The following ULK4 variants were observed in gnomAD, a reference collection of about 807,000 sequenced individuals.
The protein encoded by ULK4 is unc-51 like kinase 4.
In ULK4, 133 loss-of-function variants were observed where a neutral mutation model predicts 160.6. That is an observed-to-expected ratio of 0.83 (90% CI 0.72 to 0.96). The LOEUF (loss-of-function observed/expected upper bound fraction) is 0.96, where lower values mean the gene tolerates loss of function less well. Among genes scored for constraint, ULK4 ranks in the 40% least tolerant of loss-of-function variants. ULK4 has a pLI of 0.00. For synonymous variants in ULK4, 534 were observed against 539.8 expected (o/e 0.99, Z 0.15); for missense variants, 1,580 against 1,499.5 (o/e 1.05, Z -0.89).
At chr3:41,856,529 A>G (rs2888132) in intron 17 of ULK4, among the ~76,000 whole-genome samples, 7,374 of 116,014 alleles carry the variant, frequency 0.064, 536 homozygotes, top group African/African-American at 0.19. Context: ...ATATATATAT[A>G]TATGTATGTA....
At chr3:41,307,145 A>C (rs182002135) in intron 35 of ULK4, among the ~76,000 whole-genome samples, 3 of 128,850 alleles carry the variant, frequency 2.3e-5, no homozygotes, top group Admixed American at 1.5e-4. Context: ...ATTATCAATA[A>C]AAAATAAATA....
chr3:41,489,499 C>A (rs1201245390), intron 32 of ULK4, among the ~76,000 whole-genome samples: 1 of 152,162 alleles, frequency 6.6e-6, no homozygotes, highest in Non-Finnish European at 1.5e-5. Flanking sequence ...TGTAAGGAAG[C>A]CAAATCCTAC....
At chr3:41,622,565 C>A (rs998843409) in intron 30 of ULK4, among the ~76,000 whole-genome samples, 10 of 151,942 alleles carry the variant, frequency 6.6e-5, no homozygotes, top group Non-Finnish European at 1.5e-5. Context: ...CACATGGACA[C>A]AAGGAGGGGA....
At chr3:41,490,808 G>A (rs1216652146) in intron 32 of ULK4, among the ~76,000 whole-genome samples, 1 of 152,154 alleles carries the variant, frequency 6.6e-6, no homozygotes, top group Non-Finnish European at 1.5e-5. Flanking sequence ...ACTGGGATAA[G>A]AGAGACTATA....
At chr3:41,865,491 A>T (rs1295779600) in intron 17 of ULK4, among the ~76,000 whole-genome samples, 1 of 151,998 alleles carries the variant, frequency 6.6e-6, no homozygotes, top group Non-Finnish European at 1.5e-5. Flanking sequence ...TTTCTCCTTC[A>T]CAGAACACAC....
chr3:41,541,057 G>C (rs533832088), intron 32 of ULK4, among the ~76,000 whole-genome samples: 2 of 152,032 alleles, frequency 1.3e-5, no homozygotes, highest in African/African-American at 4.8e-5. Context: ...GTCAATTTTC[G>C]CTTTTGTTGC....
chr3:41,332,606 T>C (rs1490210078), intron 35 of ULK4, among the ~76,000 whole-genome samples: 2 of 152,242 alleles, frequency 1.3e-5, no homozygotes, highest in Non-Finnish European at 2.9e-5. Flanking sequence ...TTGAAATCTT[T>C]AGACAACTTT....
intron 6 of ULK4, among the ~76,000 whole-genome samples, chr3:41,918,746 C>A (rs572773343): frequency 6.6e-6 from 1 of 151,888 alleles, no homozygotes; most frequent in African/African-American, 2.4e-5. Flanking sequence ...GGACCACAGG[C>A]GCACGCTGCC....
At chr3:41,795,134 T>A (rs1157325984) in intron 20 of ULK4, among the ~76,000 whole-genome samples, 1 of 152,198 alleles carries the variant, frequency 6.6e-6, no homozygotes, top group African/African-American at 2.4e-5. Flanking sequence ...CTGTAAGCCA[T>A]CCCAGAGAGG....
At chr3:41,758,162 G>T (rs1414634641) in intron 21 of ULK4, among the ~76,000 whole-genome samples, 1 of 152,022 alleles carries the variant, frequency 6.6e-6, no homozygotes, top group Non-Finnish European at 1.5e-5. Flanking sequence ...TGACAAATGG[G>T]CCCACAATAG....
intron 18 of ULK4, among the ~76,000 whole-genome samples, chr3:41,834,513 T>C (rs996199458): frequency 5.9e-5 from 9 of 152,194 alleles, no homozygotes; most frequent in Non-Finnish European, 1.2e-4. Context: ...TTTATTCTGA[T>C]ATGCGAAGGG....
chr3:41,706,382 ATATTTATATATATTAAATATATATAAT>A (rs2036884215), intron 25 of ULK4, among the ~76,000 whole-genome samples: 1 of 146,030 alleles, frequency 6.8e-6, no homozygotes, highest in African/African-American at 2.5e-5. Context: ...TTTAATATAT[ATATTTATATATATTAAATATATATAAT>A]TAAATATATA....
intron 17 of ULK4, among the ~76,000 whole-genome samples, chr3:41,853,773 C>T (rs1575830441): frequency 6.6e-6 from 1 of 152,080 alleles, no homozygotes; most frequent in Non-Finnish European, 1.5e-5. Context: ...TGGTTCTGGC[C>T]GGTTTACAGA....
At chr3:41,820,892 C>T (rs2041125188) in intron 18 of ULK4, among the ~76,000 whole-genome samples, 1 of 152,240 alleles carries the variant, frequency 6.6e-6, no homozygotes, top group South Asian at 2.1e-4. Context: ...TATAGAATTC[C>T]ACATATGGTT....
At chr3:41,811,994 T>C (rs7646526) in intron 19 of ULK4, among the ~76,000 whole-genome samples, 2,051 of 152,206 alleles carry the variant, frequency 0.013, 41 homozygotes, top group African/African-American at 0.046. Flanking sequence ...ATTTTAACAA[T>C]GGGGAGGCCA....
chr3:41,319,230 G>A (rs2080203803), intron 35 of ULK4, among the ~76,000 whole-genome samples: 1 of 152,096 alleles, frequency 6.6e-6, no homozygotes, highest in Admixed American at 6.5e-5. Flanking sequence ...TCGTGTGGGG[G>A]CACTACGAAC....
chr3:41,896,771 C>G, intron 15 of ULK4, 51 bp downstream of exon 15: 1 of 1,520,444 alleles, frequency 6.6e-7, no homozygotes, highest in Non-Finnish European at 8.8e-7. Context: ...CTTGTTTGAG[C>G]CTCTATAAAA....
At chr3:41,651,920 T>A (rs2034759346) in intron 30 of ULK4, among the ~76,000 whole-genome samples, 1 of 152,074 alleles carries the variant, frequency 6.6e-6, no homozygotes, top group Admixed American at 6.6e-5. Context: ...CAAAGAGACA[T>A]CACCATGGAG....
chr3:41,662,626 T>G (rs1254286949), intron 30 of ULK4, among the ~76,000 whole-genome samples: 2 of 152,174 alleles, frequency 1.3e-5, no homozygotes, highest in African/African-American at 2.4e-5. Context: ...GGCTATGTGA[T>G]TTAGTTATTT....
Sources: allele counts gnomAD v4.1 joint callset (sites outside exome capture counted in the v4.1 genomes callset), GRCh38; gene constraint gnomAD v4.1.1; transcripts MANE v1.5; gene names NCBI Gene and HGNC (gene_info 2026-07-23, HGNC 2026-07-21).